WASHC2C: variants seen among roughly 807,000 people sequenced by gnomAD.
The protein encoded by WASHC2C is Vaccinia Penetration Factor.
WASHC2C carries 73 observed loss-of-function variants against 142.2 expected under a neutral mutation model. The observed-to-expected ratio is 0.51, with a 90% CI of 0.43 to 0.62. The LOEUF (loss-of-function observed/expected upper bound fraction) is 0.62, where lower values mean the gene tolerates loss of function less well. Among genes scored for constraint, WASHC2C ranks in the 20% least tolerant of loss-of-function variants. The pLI is 0.00. For missense variants in WASHC2C, 969 were observed against 1,531.7 expected (o/e 0.63, Z 6.13); for synonymous variants, 337 against 565.5 (o/e 0.60, Z 5.73).
At chr10:45,743,612 A>G in intron 6 of WASHC2C, 129 bp downstream of exon 6, 1 of 1,045,608 alleles carries the variant, frequency 9.6e-7, no homozygotes, top group Non-Finnish European at 1.4e-6. Context: ...TGGGTTTACC[A>G]GTTAACATTT....
chr10:45,743,286 T>G lies in WASHC2C; in HGVS notation c.529-104T>G, dbSNP rs1202513593. The stretch of plus-strand genomic sequence containing the variant: ...TGTTTCTTATTCTCCACCTTCGTTA[T>G]GTAGCTTGTTTGGGATAGTCAGATG... On this transcript the variant is annotated intron_variant, in intron 5 of 30. Coordinates refer to ENST00000623400, the MANE Select transcript of WASHC2C (RefSeq NM_001330074.2). 3.8e-6 allele frequency: 6 copies of G among 1,568,862 alleles called. No individual in the cohort carries two copies. The South Asian group carries it at 5.6e-5, about 15-fold the overall frequency.
chr10:45,770,587 T>C (rs1329303601), intron 20 of WASHC2C, among the ~76,000 whole-genome samples: 1 of 152,142 alleles, frequency 6.6e-6, no homozygotes, highest in Non-Finnish European at 1.5e-5. Context: ...AATCCTATGC[T>C]TTGGTGTGGT....
chr10:45,783,301 C>G (rs2057663821), intron 23 of WASHC2C, among the ~76,000 whole-genome samples: 1 of 152,080 alleles, frequency 6.6e-6, no homozygotes, highest in Non-Finnish European at 1.5e-5. Flanking sequence ...TTCTCCCAGT[C>G]TCTTACTGTG....
intron 16 of WASHC2C, among the ~76,000 whole-genome samples, chr10:45,758,284 A>G (rs55906271): frequency 0.052 from 7,960 of 152,008 alleles, 134 homozygotes; most frequent in African/African-American, 0.1. Flanking sequence ...TGCCCACCAC[A>G]CTGCTTCATT....
At chr10:45,754,397 G>T (rs2053987713) in intron 13 of WASHC2C, 89 bp from the exon 14 acceptor site, 2 of 1,599,190 alleles carry the variant, frequency 1.3e-6, no homozygotes, top group Admixed American at 1.7e-5. Context: ...GGTACTAGCT[G>T]TGTGTTACAT....
At chr10:45,784,784 G>A (rs1554889348) in intron 24 of WASHC2C, 37 bp from the exon 25 acceptor site, 2 of 1,597,400 alleles carry the variant, frequency 1.3e-6, no homozygotes, top group South Asian at 2.2e-5. Flanking sequence ...AAATTGTTTT[G>A]CTTTTGGATA....
chr10:45,792,314 T>C lies in WASHC2C; in HGVS notation c.3940T>C (p.Ser1314Pro). Residue 1314 changes from serine (S) to proline (P), a missense_variant, in exon 31 of 31, where the codon TCT becomes CCT. Coordinates refer to ENST00000623400, the MANE Select transcript of WASHC2C (RefSeq NM_001330074.2). ...QAKTTKPKSR[S>P]AQAAPEPRFE... The stretch of plus-strand genomic sequence containing the variant: ...TAAGACAACCAAACCAAAAAGCCGA[T>C]CTGCACAGGCCGCACCTGAACCAAG... 4 of 1,560,872 alleles carry C rather than the reference T, an allele frequency of 2.6e-6. No homozygotes were observed. Among genetic ancestry groups the C allele is most frequent in the Non-Finnish European group, 3.5e-6 (4 of 1,146,272 alleles).
rs573535488 is a variant in WASHC2C at position 45,757,140 on chromosome 10, G to A, written c.1548+1G>A. On this transcript the variant is annotated splice_donor_variant, in intron 16 of 30. Transcript: ENST00000623400. LOFTEE classifies it high-confidence loss of function. ...AAATAAAGCAAGAGCAGAAAAAAAG[G>A]TGAGCAGGAGGGAAGACTTAACGCA... 6.2e-7 allele frequency: 1 copy of A among 1,605,026 alleles called. No homozygotes were observed. The highest frequency in any genetic ancestry group is 2.2e-5 in the East Asian group (1 of 44,842).
rs574120811 is a variant in WASHC2C, at chr10:45,785,359, A to T, written c.2689-150A>T. On this transcript the variant is annotated intron_variant, in intron 25 of 30. Transcript: ENST00000623400. ...TGACAGCCACAGTCTTCAGAATGCT[A>T]TTTCTGAAATGCTACCTTTGAGTTG... is the stretch of plus-strand genomic sequence containing the variant. 2.7e-4 allele frequency: 235 copies of T among 879,458 alleles called. 1 individual carries two copies. In the African/African-American group the frequency reaches 3.5e-3, roughly 13 times the overall value. The allele number at this position is 879,458 out of a possible 1,614,324, so 54.5% of individuals were successfully genotyped here. A position where few individuals can be genotyped will look rare whatever the true frequency, so the allele number is the denominator to read the frequency against.
chr10:45,732,559 G>A (rs1307810252), intron 3 of WASHC2C, among the ~76,000 whole-genome samples: 26 of 152,110 alleles, frequency 1.7e-4, no homozygotes, highest in African/African-American at 5.5e-4. Context: ...TCTTTTTAAA[G>A]TCAATTGTTT....
At chr10:45,732,802 C>G (rs1263093571) in intron 3 of WASHC2C, among the ~76,000 whole-genome samples, 2 of 152,248 alleles carry the variant, frequency 1.3e-5, no homozygotes, top group East Asian at 3.8e-4. Context: ...GAATTTTGGT[C>G]ATTTTTCCCT....
intron 29 of WASHC2C, 30 bp downstream of exon 29, chr10:45,789,521 G>C: frequency 6.2e-7 from 1 of 1,611,818 alleles, no homozygotes; most frequent in Non-Finnish European, 8.5e-7. Flanking sequence ...TTTTGTGTCT[G>C]TTCTAAGTTA....
chr10:45,769,666 A>C (rs2056371611), intron 20 of WASHC2C, 48 bp downstream of exon 20: 5 of 1,611,406 alleles, frequency 3.1e-6, no homozygotes. Context: ...CCGTGGTAAC[A>C]AGAAAAGGAA....
intron 19 of WASHC2C, among the ~76,000 whole-genome samples, chr10:45,766,945 T>C (rs2596994): frequency 6.6e-6 from 1 of 152,204 alleles, no homozygotes; most frequent in African/African-American, 2.4e-5. Flanking sequence ...TTAAAAATTC[T>C]GAAGCAGATT....
intron 19 of WASHC2C, among the ~76,000 whole-genome samples, chr10:45,768,285 TGGATCCCA>T (rs2056181185): frequency 6.7e-6 from 1 of 149,666 alleles, no homozygotes; most frequent in Admixed American, 6.7e-5. Flanking sequence ...GTGCTGACAG[TGGATCCCA>T]GCTCCAGAGA....
At chr10:45,747,977 T>G (rs1250280357) in intron 8 of WASHC2C, among the ~76,000 whole-genome samples, 2,069 of 89,008 alleles carry the variant, frequency 0.023, no homozygotes, top group Middle Eastern at 0.068. Flanking sequence ...TAATGTCTGG[T>G]GGACATTCTA....
At chr10:45,764,669 C>G (rs1399038592) in intron 18 of WASHC2C, among the ~76,000 whole-genome samples, 1 of 152,188 alleles carries the variant, frequency 6.6e-6, no homozygotes, top group Non-Finnish European at 1.5e-5. Context: ...CCCCTGGGTT[C>G]ATATCCCAGC....
chr10:45,763,989 A>G (rs1554881191), intron 18 of WASHC2C, among the ~76,000 whole-genome samples: 1 of 152,180 alleles, frequency 6.6e-6, no homozygotes, highest in African/African-American at 2.4e-5. Flanking sequence ...GGTGTGAGCC[A>G]CCGTGCCTGG....
In WASHC2C at chr10:45,792,325, C is replaced by T; in HGVS notation, c.3951C>T (p.Ala1317=). The T allele has an allele frequency of 6.4e-6, 10 of 1,565,098 alleles. No individual in the cohort carries two copies. Among genetic ancestry groups the T allele is most frequent in the South Asian group, 4.5e-5 (4 of 88,654 alleles). The change falls in exon 31 of 31, where the codon GCC becomes GCT. Residue 1317 remains alanine, a synonymous_variant. Transcript: ENST00000623400. ...AACCAAAAAGCCGATCTGCACAGGC[C>T]GCACCTGAACCAAGATTTGAACACA... The part of the protein sequence containing the change: ...TTKPKSRSAQ[A]APEPRFEHKV...
Sources: allele counts gnomAD v4.1 joint callset (sites outside exome capture counted in the v4.1 genomes callset), GRCh38; gene constraint gnomAD v4.1.1; transcripts MANE v1.5; gene names NCBI Gene and HGNC (gene_info 2026-07-23, HGNC 2026-07-21).